The following GALNT17 variants were observed in gnomAD, a reference collection of about 807,000 sequenced individuals.
The protein encoded by GALNT17 is polypeptide N-acetylgalactosaminyltransferase 17.
Under a neutral mutation model 63.7 loss-of-function variants are expected in GALNT17, and 29 were observed. That is an observed-to-expected ratio of 0.46 (90% CI 0.34 to 0.62). The LOEUF (loss-of-function observed/expected upper bound fraction) is 0.62, where lower values mean the gene tolerates loss of function less well. Ranked by LOEUF, GALNT17 falls within the 20% of genes least tolerant of loss-of-function variation. GALNT17 has a pLI of 0.01. For missense variants in GALNT17, 603 were observed against 799.6 expected, an observed-to-expected ratio of 0.75 and a Z score of 2.97; for synonymous variants, 305 against 318.3, an observed-to-expected ratio of 0.96 and a Z score of 0.45.
intron 1 of GALNT17, among the ~76,000 whole-genome samples, chr7:71,214,723 A>G (rs1789446184): frequency 6.6e-6 from 1 of 151,948 alleles, no homozygotes; most frequent in South Asian, 2.1e-4. Context: ...GATTACAGGC[A>G]GCTGCCACCA....
chr7:71,537,077 A>G (rs1206130212), intron 5 of GALNT17, among the ~76,000 whole-genome samples: 3 of 152,094 alleles, frequency 2.0e-5, no homozygotes, highest in Non-Finnish European at 4.4e-5. Context: ...CTGCCTGGTG[A>G]TGGCCTAGTT....
chr7:71,577,182 A>T (rs1789552885), intron 6 of GALNT17, among the ~76,000 whole-genome samples: 2 of 152,118 alleles, frequency 1.3e-5, no homozygotes, highest in Admixed American at 1.3e-4. Flanking sequence ...GGACATAAAG[A>T]TGGGAATGAC....
At chr7:71,628,626 GTT>G (rs1790410837) in intron 6 of GALNT17, among the ~76,000 whole-genome samples, 1 of 152,072 alleles carries the variant, frequency 6.6e-6, no homozygotes, top group South Asian at 2.1e-4. Context: ...CCCAGCCAAT[GTT>G]TTTAAAGCTT....
At chr7:71,399,237 T>C (rs11979445) in intron 3 of GALNT17, among the ~76,000 whole-genome samples, 6,874 of 152,158 alleles carry the variant, frequency 0.045, 545 homozygotes, top group African/African-American at 0.16. Context: ...CCATCCCCCC[T>C]GCCCTCCTCC....
intron 6 of GALNT17, among the ~76,000 whole-genome samples, chr7:71,584,811 G>A (rs1426049135): frequency 6.6e-6 from 1 of 151,946 alleles, no homozygotes; most frequent in African/African-American, 2.4e-5. Flanking sequence ...GCGAAGTGCA[G>A]TGGCGCGATC....
chr7:71,445,262 T>A (rs972266015), intron 5 of GALNT17, among the ~76,000 whole-genome samples: 1 of 143,708 alleles, frequency 7.0e-6, no homozygotes, highest in African/African-American at 2.6e-5. Flanking sequence ...CACTGCAACC[T>A]CCACCTCCCA....
intron 1 of GALNT17, among the ~76,000 whole-genome samples, chr7:71,215,602 C>A (rs538097405): frequency 1.3e-5 from 2 of 152,158 alleles, no homozygotes; most frequent in Admixed American, 1.3e-4. Flanking sequence ...CTTTTTCGCT[C>A]CCACCCCACA....
chr7:71,701,921 A>G lies in GALNT17; in HGVS notation c.1501-8840A>G, dbSNP rs845051. On this transcript the variant is annotated intron_variant, in intron 9 of 10. Transcript: ENST00000333538. ...CACATATATATATATACATATATAT[A>G]TGTATATATATACATGTCATGGAAC... 1.2e-3 allele frequency among the ~76,000 whole-genome samples: 164 copies of G among 133,278 alleles called. 3 individuals carry two copies. The highest frequency in any genetic ancestry group is 3.8e-3 in the East Asian group (19 of 5,040). The allele number at this position is 133,278 out of a possible 152,430, so 87.4% of individuals were successfully genotyped here.
intron 2 of GALNT17, among the ~76,000 whole-genome samples, chr7:71,377,009 C>T (rs779548477): frequency 2.0e-5 from 3 of 147,568 alleles, no homozygotes; most frequent in Admixed American, 1.4e-4. Flanking sequence ...TCACTTGAGG[C>T]CAGAAGGTGG....
chr7:71,632,145 C>A (rs1377516677), intron 6 of GALNT17, among the ~76,000 whole-genome samples: 2 of 151,958 alleles, frequency 1.3e-5, no homozygotes, highest in African/African-American at 4.8e-5. Context: ...CTTCAGATAC[C>A]TGAAAAGATG....
intron 9 of GALNT17, among the ~76,000 whole-genome samples, chr7:71,678,735 C>T (rs955479754): frequency 1.3e-5 from 2 of 151,138 alleles, no homozygotes; most frequent in African/African-American, 4.9e-5. Flanking sequence ...GTGGAGCTTG[C>T]AGTGAGCCAA....
Position 71,548,077 on chromosome 7 carries a change from A to T in GALNT17, c.963-23208A>T, listed in dbSNP as rs533370592. Among the ~76,000 whole-genome samples, 446 of 151,082 alleles carry T rather than the reference A, an allele frequency of 3.0e-3. 3 individuals carry two copies. Among genetic ancestry groups the T allele is most frequent in the African/African-American group, 8.1e-3 (332 of 41,186 alleles). ...ACCCTGTCTTTACCAAAAATAAAAAATTTTTTTTTTTAAAAATTAGCTGGT... is the reference window on the plus strand; with the variant it reads ...ACCCTGTCTTTACCAAAAATAAAAATTTTTTTTTTTTAAAAATTAGCTGGT... On this transcript the variant is annotated intron_variant, in intron 5 of 10. Coordinates refer to ENST00000333538, the MANE Select transcript of GALNT17 (RefSeq NM_022479.3).
At chr7:71,195,916 T>C (rs1480143215) in intron 1 of GALNT17, among the ~76,000 whole-genome samples, 7 of 152,030 alleles carry the variant, frequency 4.6e-5, no homozygotes, top group African/African-American at 1.4e-4. Flanking sequence ...TTGACACTTA[T>C]GACCAGCCCC....
At chr7:71,206,464 T>G (rs896544512) in intron 1 of GALNT17, among the ~76,000 whole-genome samples, 5 of 152,132 alleles carry the variant, frequency 3.3e-5, no homozygotes, top group Admixed American at 2.0e-4. Flanking sequence ...AGGCCTGTGT[T>G]CATCATTTTG....
chr7:71,480,941 G>A (rs1375829766), intron 5 of GALNT17, among the ~76,000 whole-genome samples: 2 of 152,150 alleles, frequency 1.3e-5, no homozygotes, highest in East Asian at 1.9e-4. Flanking sequence ...GACAGCCCAG[G>A]CAACACAGAG....
chr7:71,557,270 C>T (rs917380964), intron 5 of GALNT17, among the ~76,000 whole-genome samples: 1 of 152,166 alleles, frequency 6.6e-6, no homozygotes, highest in African/African-American at 2.4e-5. Flanking sequence ...TCTCAGAAAA[C>T]TTCTCCACCA....
chr7:71,205,029 C>T (rs1789244725), intron 1 of GALNT17, among the ~76,000 whole-genome samples: 1 of 151,730 alleles, frequency 6.6e-6, no homozygotes, highest in Non-Finnish European at 1.5e-5. Context: ...TACATCTTTT[C>T]ATTTACTTGT....
intron 1 of GALNT17, among the ~76,000 whole-genome samples, chr7:71,203,762 A>T (rs1421057642): frequency 6.6e-6 from 1 of 152,156 alleles, no homozygotes; most frequent in South Asian, 2.1e-4. Flanking sequence ...CACATGGCAG[A>T]AGGAGGAGCA....
chr7:71,341,430 T>A (rs936075438), intron 2 of GALNT17, among the ~76,000 whole-genome samples: 2 of 152,034 alleles, frequency 1.3e-5, no homozygotes, highest in African/African-American at 4.8e-5. Flanking sequence ...GCTTTCAGAT[T>A]AGAAGATCCC....
Sources: gnomAD v4.1 joint callset for allele counts (sites outside exome capture counted in the v4.1 genomes callset) on GRCh38, gnomAD v4.1.1 for gene constraint, MANE v1.5 for transcripts, NCBI Gene and HGNC (gene_info 2026-07-23, HGNC 2026-07-21) for gene names.